The following CDH13 variants were observed in gnomAD, a reference collection of about 807,000 sequenced individuals.
CDH13 encodes cadherin 13.
Under a neutral mutation model 63.8 loss-of-function variants are expected in CDH13, and 24 were observed. That is an observed-to-expected ratio of 0.38 (90% CI 0.27 to 0.53). The LOEUF is 0.53. Ranked by LOEUF, CDH13 falls within the 20% of genes least tolerant of loss-of-function variation. The pLI is 0.85. For missense variants in CDH13, 1,049 were observed against 903.1 expected (o/e 1.16, Z -2.07); for synonymous variants, 503 against 355.3 (o/e 1.42, Z -4.67).
intron 2 of CDH13, among the ~76,000 whole-genome samples, chr16:83,028,361 T>G (rs975570654): frequency 5.9e-5 from 9 of 152,056 alleles, no homozygotes; most frequent in African/African-American, 2.2e-4. Context: ...GTCCTGAGAG[T>G]CCACTTGTGT....
chr16:83,249,703 C>G (rs1465695760), intron 5 of CDH13, among the ~76,000 whole-genome samples: 1 of 152,172 alleles, frequency 6.6e-6, no homozygotes, highest in Non-Finnish European at 1.5e-5. Flanking sequence ...AGGGATATGT[C>G]TGTCTCCAAT....
intron 1 of CDH13, among the ~76,000 whole-genome samples, chr16:82,633,670 G>A (rs146780452): frequency 2.6e-5 from 4 of 152,170 alleles, no homozygotes; most frequent in Admixed American, 2.0e-4. Flanking sequence ...GAGCCACTGC[G>A]CCTGGCCAAG....
At chr16:82,731,798 T>G (rs1390587608) in intron 1 of CDH13, among the ~76,000 whole-genome samples, 1 of 152,256 alleles carries the variant, frequency 6.6e-6, no homozygotes, top group African/African-American at 2.4e-5. Context: ...ATGTGTTACT[T>G]ATCTTTGATA....
intron 3 of CDH13, among the ~76,000 whole-genome samples, chr16:83,058,883 A>ATATT (rs1216037259): frequency 6.6e-6 from 1 of 152,078 alleles, no homozygotes; most frequent in East Asian, 1.9e-4. Context: ...CTTTGCAAGG[A>ATATT]TATTTTCTTG....
At chr16:82,836,162 T>C (rs1180596243) in intron 1 of CDH13, among the ~76,000 whole-genome samples, 1 of 152,196 alleles carries the variant, frequency 6.6e-6, no homozygotes, top group East Asian at 1.9e-4. Flanking sequence ...GTTTCACTCT[T>C]GTTGCCCAGA....
At chr16:82,655,403 TG>T (rs2150915225) in intron 1 of CDH13, among the ~76,000 whole-genome samples, 1 of 152,234 alleles carries the variant, frequency 6.6e-6, no homozygotes, top group African/African-American at 2.4e-5. Context: ...GTAGATGAGA[TG>T]GCCATGTGGA....
At chr16:82,822,645 C>G (rs968649454) in intron 1 of CDH13, among the ~76,000 whole-genome samples, 1 of 152,142 alleles carries the variant, frequency 6.6e-6, no homozygotes, top group Admixed American at 6.5e-5. Context: ...CAGGTGTGCA[C>G]CGCCACACCT....
At chr16:83,077,690 T>C (rs2032943969) in intron 3 of CDH13, among the ~76,000 whole-genome samples, 1 of 152,198 alleles carries the variant, frequency 6.6e-6, no homozygotes, top group African/African-American at 2.4e-5. Flanking sequence ...CACAATTCTG[T>C]GTATAGACCT....
intron 10 of CDH13, among the ~76,000 whole-genome samples, chr16:83,708,004 T>C (rs1307487423): frequency 6.6e-6 from 1 of 152,102 alleles, no homozygotes; most frequent in Non-Finnish European, 1.5e-5. Flanking sequence ...ACCATGACCA[T>C]TATTCCCAAG....
chr16:82,635,863 G>A (rs553069452), intron 1 of CDH13, among the ~76,000 whole-genome samples: 1 of 152,254 alleles, frequency 6.6e-6, no homozygotes, highest in East Asian at 1.9e-4. Flanking sequence ...CACAAGACAT[G>A]GTTATGTGAA....
At chr16:82,724,483 A>G (rs569822376) in intron 1 of CDH13, among the ~76,000 whole-genome samples, 2 of 152,326 alleles carry the variant, frequency 1.3e-5, no homozygotes, top group South Asian at 4.1e-4. Flanking sequence ...ATTTCTTCAG[A>G]GTATGATCCC....
intron 6 of CDH13, among the ~76,000 whole-genome samples, chr16:83,477,059 G>C (rs16960609): frequency 0.46 from 69,358 of 151,954 alleles, 16,387 homozygotes; most frequent in East Asian, 0.83. Context: ...TTGGCCATGT[G>C]TCACCTAATA....
Position 83,003,410 on chromosome 16 carries a change from C to T in CDH13, c.158-28600C>T, listed in dbSNP as rs1419638162. Among the ~76,000 whole-genome samples, 114 of 150,978 alleles carry T rather than the reference C, an allele frequency of 7.6e-4. 1 individual carries two copies. In the East Asian group the frequency reaches 0.022, roughly 29 times the overall value. On this transcript the variant is annotated intron_variant, in intron 2 of 13. Transcript: ENST00000567109. ...TGGGTTTTTTTTTTTAATTTTCTATCTCAAAAATCCAGGCTCATAAATAGG... is the reference window on the plus strand; with the variant it reads ...TGGGTTTTTTTTTTTAATTTTCTATTTCAAAAATCCAGGCTCATAAATAGG...
At chr16:83,144,543 T>G (rs2151682205) in intron 4 of CDH13, among the ~76,000 whole-genome samples, 2 of 152,344 alleles carry the variant, frequency 1.3e-5, no homozygotes, top group Middle Eastern at 3.4e-3. Context: ...GTTCAGGGCC[T>G]GGAACATAAT....
At chr16:83,754,997 A>G (rs1330133702) in intron 11 of CDH13, among the ~76,000 whole-genome samples, 1 of 152,168 alleles carries the variant, frequency 6.6e-6, no homozygotes, top group African/African-American at 2.4e-5. Context: ...AAGAATGTGT[A>G]AGTGATGAAC....
intron 7 of CDH13, among the ~76,000 whole-genome samples, chr16:83,511,119 CAT>C (rs1555564282): frequency 1.4e-5 from 2 of 138,450 alleles, no homozygotes; most frequent in South Asian, 2.3e-4. Flanking sequence ...CATGCACACA[CAT>C]GCACATGTGC....
At chr16:83,784,715 T>C (rs762727985) in intron 13 of CDH13, among the ~76,000 whole-genome samples, 9 of 151,270 alleles carry the variant, frequency 5.9e-5, no homozygotes, top group Middle Eastern at 6.9e-3. Context: ...AGCGAACATA[T>C]CATCTTCCCC....
At chr16:83,736,888 A>T (rs1428400941) in intron 10 of CDH13, among the ~76,000 whole-genome samples, 1 of 152,206 alleles carries the variant, frequency 6.6e-6, no homozygotes, top group Non-Finnish European at 1.5e-5. Flanking sequence ...CTAGGAGCAG[A>T]CTTGCTTGCC....
At chr16:83,774,598 T>C (rs1914981089) in intron 11 of CDH13, among the ~76,000 whole-genome samples, 1 of 152,192 alleles carries the variant, frequency 6.6e-6, no homozygotes, top group Non-Finnish European at 1.5e-5. Flanking sequence ...AGTGTCAAAC[T>C]CCTGACCTCA....
Sources: gnomAD v4.1 joint callset for allele counts (sites outside exome capture counted in the v4.1 genomes callset) on GRCh38, gnomAD v4.1.1 for gene constraint, MANE v1.5 for transcripts, NCBI Gene and HGNC (gene_info 2026-07-23, HGNC 2026-07-21) for gene names.